GEMIN5: variants seen among roughly 807,000 people sequenced by gnomAD.
GEMIN5 encodes gem nuclear organelle associated protein 5.
GEMIN5 carries 124 observed loss-of-function variants against 176.9 expected under a neutral mutation model. That is an observed-to-expected ratio of 0.70 (90% CI 0.61 to 0.81). The LOEUF (loss-of-function observed/expected upper bound fraction) is 0.81, where lower values mean the gene tolerates loss of function less well. Ranked by LOEUF, GEMIN5 falls within the 40% of genes least tolerant of loss-of-function variation. The pLI, the probability that GEMIN5 is intolerant of heterozygous loss-of-function variation, is 0.00. For missense variants in GEMIN5, 1,843 were observed against 1,814.6 expected (o/e 1.02, Z -0.28); for synonymous variants, 673 against 665.2 (o/e 1.01, Z -0.18).
chr5:154,897,907 T>G (rs1331966854), intron 23 of GEMIN5, among the ~76,000 whole-genome samples: 3 of 110,498 alleles, frequency 2.7e-5, no homozygotes, highest in Non-Finnish European at 5.7e-5. Flanking sequence ...AAGGTGTTTT[T>G]TTTTGTGTTT....
Position 154,891,540 on chromosome 5 carries a change from G to A in GEMIN5, c.3963C>T (p.Ala1321=). The part of the protein sequence containing the change: ...SVEPSQQLDT[A]STEETDPETS... ...TTTCAGGGTCCGTTTCTTCAGTGCT[G>A]GCAGTGTCTAACTGCTGGCTTGGCT... Residue 1321 remains alanine (A), a synonymous_variant, in exon 26 of 28, where the codon GCC becomes GCT. Transcript: ENST00000285873. 9 of 1,614,156 alleles carry A rather than the reference G, an allele frequency of 5.6e-6. No homozygotes were observed. The highest frequency in any genetic ancestry group is 6.8e-6 in the Non-Finnish European group (8 of 1,180,010).
Position 154,928,560 on chromosome 5 carries a change from T to C in GEMIN5, c.881A>G (p.Asn294Ser), listed in dbSNP as rs771033432. 1.6e-5 allele frequency: 26 copies of C among 1,614,006 alleles called. No individual in the cohort carries two copies. The highest frequency in any genetic ancestry group is 1.7e-5 in the Admixed American group (1 of 60,004). The change falls in exon 6 of 28, where the codon AAT (asparagine) becomes AGT (serine). Residue 294 changes from asparagine to serine, a missense_variant. Asn to Ser is a conservative substitution (Grantham distance 46). Transcript: ENST00000285873. ...RLWLTLHWPS[N>S]QPTQLVSSCF... ...GCTAGATACCAGCTGTGTTGGTTGA[T>C]TGCTGGGCCAATGGAGTGTCAACCA...
chr5:154,930,204 C>T (rs1194542099), intron 5 of GEMIN5, among the ~76,000 whole-genome samples: 1 of 152,182 alleles, frequency 6.6e-6, no homozygotes, highest in East Asian at 1.9e-4. Flanking sequence ...CTCTTTAAAT[C>T]AGCGAATCAG....
intron 24 of GEMIN5, among the ~76,000 whole-genome samples, chr5:154,894,101 C>T (rs943494644): frequency 2.6e-5 from 4 of 152,066 alleles, no homozygotes; most frequent in African/African-American, 9.7e-5. Context: ...TGTGCTACCA[C>T]ACCCGGCTAA....
At position 154,927,482 on chromosome 5, in the gene GEMIN5, G is replaced by C; in HGVS notation, c.983C>G (p.Ser328Ter). ...AATTCTTGAATGATTTTGCCCTTCT[G>C]ATGAGGCACTGAAGAGGGTGTATTT... The part of the protein sequence containing the change: ...RRKYTLFSAS[S>*]EGQNHSRIVF... Residue 328 changes from serine to a stop codon, truncating the protein, a stop_gained, in exon 7 of 28, where the codon TCA (serine) becomes TGA (stop). Coordinates refer to ENST00000285873, the MANE Select transcript of GEMIN5 (RefSeq NM_015465.5). LOFTEE classifies it high-confidence loss of function. The C allele has an allele frequency of 6.2e-7, 1 of 1,609,744 alleles. No individual in the cohort carries two copies. Among genetic ancestry groups the C allele is most frequent in the Non-Finnish European group, 8.5e-7 (1 of 1,175,938 alleles).
intron 23 of GEMIN5, among the ~76,000 whole-genome samples, chr5:154,897,473 G>C (rs1489710008): frequency 2.0e-5 from 3 of 152,150 alleles, no homozygotes; most frequent in Non-Finnish European, 4.4e-5. Flanking sequence ...GAAATAAAGA[G>C]ATTTCCATTT....
intron 8 of GEMIN5, 136 bp from the exon 9 acceptor site, chr5:154,924,690 G>A: frequency 1.6e-6 from 1 of 643,070 alleles, no homozygotes; most frequent in East Asian, 2.8e-5. Flanking sequence ...GGAGAAAAAG[G>A]GTATTAAAAA....
At chr5:154,927,281 G>C (rs756913609) in intron 7 of GEMIN5, 104 bp downstream of exon 7, 24 of 647,494 alleles carry the variant, frequency 3.7e-5, no homozygotes, top group Non-Finnish European at 6.1e-5. Flanking sequence ...TTGGAGTCAG[G>C]GGTGGAGTAT....
intron 9 of GEMIN5, among the ~76,000 whole-genome samples, chr5:154,922,610 A>G (rs978905022): frequency 2.0e-5 from 3 of 152,194 alleles, no homozygotes; most frequent in Non-Finnish European, 4.4e-5. Flanking sequence ...ATAATAATTT[A>G]ATAGAATTAG....
chr5:154,892,224 T>C (rs1320136121), intron 25 of GEMIN5, among the ~76,000 whole-genome samples, 163 bp downstream of exon 25: 2 of 152,230 alleles, frequency 1.3e-5, no homozygotes, highest in African/African-American at 4.8e-5. Context: ...AACAGTATAG[T>C]TGTTCTTAAA....
Position 154,925,989 on chromosome 5 carries a change from G to A in GEMIN5, c.1166C>T (p.Ser389Phe). ...TATGGCCAAAGAGCCTATGTCCACA[G>A]AAGAGAAAGCCAGGCTGTATGCAAA... The part of the protein sequence containing the change: ...GGFAYSLAFS[S>F]VDIGSLAIGV... Residue 389 changes from serine to phenylalanine, a missense_variant, in exon 8 of 28, where the codon TCT becomes TTT. By Grantham distance (155) the Ser-to-Phe change is radical. Transcript: ENST00000285873. 6.2e-7 allele frequency: 1 copy of A among 1,613,314 alleles called. No individual in the cohort carries two copies. The highest frequency in any genetic ancestry group is 8.5e-7 in the Non-Finnish European group (1 of 1,179,282).
chr5:154,925,535 A>G (rs1050959222), intron 8 of GEMIN5, among the ~76,000 whole-genome samples: 7 of 152,206 alleles, frequency 4.6e-5, no homozygotes, highest in African/African-American at 1.7e-4. Flanking sequence ...GGAAGAAGGA[A>G]TCTACATTAT....
chr5:154,909,784 G>C (rs575105833), intron 15 of GEMIN5, among the ~76,000 whole-genome samples: 24 of 152,176 alleles, frequency 1.6e-4, no homozygotes, highest in South Asian at 2.1e-4. Flanking sequence ...TTCAATACCA[G>C]CCTAGCCAAC....
Position 154,899,204 on chromosome 5 carries a change from C to T in GEMIN5, c.3121G>A (p.Val1041Ile), listed in dbSNP as rs761371618. ...TVLERDGHYA[V>I]AAKCYLGATC... ...CCTCAGGCTTACCATTTGGCAGCTACAGCATAGTGGCCATCTCTTTCTAGG... is the reference window on the plus strand; with the variant it reads ...CCTCAGGCTTACCATTTGGCAGCTATAGCATAGTGGCCATCTCTTTCTAGG... Residue 1041 changes from valine (V) to isoleucine (I), a missense_variant, in exon 22 of 28, where the codon GTA becomes ATA. Val to Ile is a conservative substitution (Grantham distance 29, BLOSUM62 3). Transcript: ENST00000285873. 90 of 1,611,382 alleles carry T rather than the reference C, an allele frequency of 5.6e-5. No individual in the cohort carries two copies. The highest frequency in any genetic ancestry group is 7.5e-5 in the Non-Finnish European group (88 of 1,178,726).
At position 154,932,101 on chromosome 5, in the gene GEMIN5, G is replaced by C. The variant is rs1764180916; in HGVS notation, c.659C>G (p.Ser220Ter). ...ACTTTCCCTTAAACCATCTCTACCT[G>C]AAGTTTCCTCTTGGTTTATAGATAA... is the stretch of plus-strand genomic sequence containing the variant. ...DCLSINQEETSEEAEITNGNA... is the reference protein window; with the variant it reads ...DCLSINQEET The change falls in exon 4 of 28, where the codon TCA (serine) becomes TGA (stop). Residue 220 changes from serine to a stop codon, truncating the protein, a stop_gained and splice_region_variant. Transcript: ENST00000285873. LOFTEE classifies it high-confidence loss of function. The C allele has an allele frequency of 6.2e-7, 1 of 1,611,750 alleles. No individual in the cohort carries two copies. The highest frequency in any genetic ancestry group is 8.5e-7 in the Non-Finnish European group (1 of 1,178,652).
At chr5:154,920,874 G>T (rs188102885) in intron 10 of GEMIN5, among the ~76,000 whole-genome samples, 2 of 152,252 alleles carry the variant, frequency 1.3e-5, no homozygotes, top group East Asian at 3.9e-4. Flanking sequence ...AAGGCTGAGG[G>T]GCTAGAAGAG....
In GEMIN5 at chr5:154,896,111, T is replaced by C. The variant is rs753895981; in HGVS notation, c.3578A>G (p.Asn1193Ser). 1.2e-6 allele frequency: 2 copies of C among 1,613,616 alleles called. No individual in the cohort carries two copies. The highest frequency in any genetic ancestry group is 2.7e-5 in the African/African-American group (2 of 74,918). ...LQNIKYPSAT[N>S]NTPAKQLLLH... ...GCTTACCTGTTTGGCAGGTGTGTTA[T>C]TTGTAGCAGATGGGTACTTGATGTT... Residue 1193 changes from asparagine to serine, a missense_variant, in exon 24 of 28, where the codon AAT becomes AGT. Physicochemically the swap from Asn to Ser is conservative, Grantham distance 46. Coordinates refer to ENST00000285873, the MANE Select transcript of GEMIN5 (RefSeq NM_015465.5).
intron 15 of GEMIN5, among the ~76,000 whole-genome samples, chr5:154,910,943 C>A (rs1168474124): frequency 6.6e-6 from 1 of 151,796 alleles, no homozygotes; most frequent in Non-Finnish European, 1.5e-5. Flanking sequence ...TGTGATCCGC[C>A]CATCTCGGCC....
intron 7 of GEMIN5, among the ~76,000 whole-genome samples, chr5:154,926,358 C>T (rs1764036669): frequency 6.6e-6 from 1 of 152,178 alleles, no homozygotes; most frequent in Admixed American, 6.5e-5. Context: ...GGTGGTCTTT[C>T]TGTCCTATTA....
Sources: gnomAD v4.1 joint callset for allele counts (sites outside exome capture counted in the v4.1 genomes callset) on GRCh38, gnomAD v4.1.1 for gene constraint, MANE v1.5 for transcripts, NCBI Gene and HGNC (gene_info 2026-07-23, HGNC 2026-07-21) for gene names.